SPINK2: variants seen among roughly 807,000 people sequenced by gnomAD.
SPINK2 encodes the protein serine protease inhibitor Kazal-type 2.
Under a neutral mutation model 13.5 loss-of-function variants are expected in SPINK2, and 8 were observed. The ratio of observed to expected loss-of-function variants is 0.59; its 90% CI spans 0.35 to 1.07. The LOEUF (loss-of-function observed/expected upper bound fraction) is 1.07. Among genes scored for constraint, SPINK2 ranks in the 50% least tolerant of loss-of-function variants. SPINK2 has a pLI of 0.02. For synonymous variants in SPINK2, 76 were observed against 74.7 expected, an observed-to-expected ratio of 1.02 and a Z score of -0.09; for missense variants, 148 against 180.3, an observed-to-expected ratio of 0.82 and a Z score of 1.03.
At position 56,814,980 on chromosome 4, in the gene SPINK2, A is replaced by AAAAC. The variant is rs1560414921; in HGVS notation, c.250-3190_250-3187dup. Among the ~76,000 whole-genome samples the AAAAC allele has an allele frequency of 1.3e-3, 180 of 137,884 alleles. 17 individuals are homozygous for AAAAC. Among genetic ancestry groups the AAAAC allele is most frequent in the East Asian group, 3.4e-3 (15 of 4,422 alleles). The allele number at this position is 137,884 out of a possible 152,430, so 90.5% of individuals were successfully genotyped here. A position where few individuals can be genotyped will look rare whatever the true frequency, so the allele number is the denominator to read the frequency against. On this transcript the variant is annotated intron_variant, in intron 2 of 3. Transcript: ENST00000506738. Reference sequence around the variant, plus strand: ...CGTCTCAAAAAAAAAAAAAAAAAAAAAAACAAAGGCTGAGGCAGGAGAATC... The same window carrying AAAAC: ...CGTCTCAAAAAAAAAAAAAAAAAAAAAAACAAACAAAGGCTGAGGCAGGAGAATC...
chr4:56,815,616 C>A (rs1364717671), intron 2 of SPINK2, among the ~76,000 whole-genome samples: 1 of 152,072 alleles, frequency 6.6e-6, no homozygotes, highest in African/African-American at 2.4e-5. Flanking sequence ...AGGAGAATCG[C>A]TTGAACCTGG....
At position 56,809,986 on chromosome 4, in the gene SPINK2, T is replaced by A. The variant is rs1716843858; in HGVS notation, c.*153A>T. On this transcript the variant is annotated 3_prime_UTR_variant, in exon 4 of 4. Coordinates refer to ENST00000506738, the MANE Select transcript of SPINK2 (RefSeq NM_001271718.2). ...TTTTTTTCTTTAAATTATCCATCAC[T>A]ACACATGGCTGTCTTCCATACCTGC... is the stretch of plus-strand genomic sequence containing the variant. The A allele has an allele frequency of 8.0e-6, 12 of 1,499,870 alleles. No homozygotes were observed. The highest frequency in any genetic ancestry group is 1.1e-5 in the Non-Finnish European group (12 of 1,132,364). 92.9% of individuals were successfully genotyped at this position (1,499,870 alleles called of 1,614,324 possible).
At chr4:56,810,311 A>G in intron 3 of SPINK2, 127 bp from the exon 4 acceptor site, 1 of 805,150 alleles carries the variant, frequency 1.2e-6, no homozygotes, top group Non-Finnish European at 1.9e-6. Context: ...CACTTATTTA[A>G]TCATTTTTTA....
At chr4:56,820,726 C>T (rs929385975) in intron 1 of SPINK2, 147 bp from the exon 2 acceptor site, 1 of 621,278 alleles carries the variant, frequency 1.6e-6, no homozygotes, top group East Asian at 2.8e-5. Flanking sequence ...CTGCCTAGGC[C>T]TCCCAAAGTG....
chr4:56,820,530 A>G lies in SPINK2; in HGVS notation c.249+6T>C, dbSNP rs763632110. On this transcript the variant is annotated splice_donor_region_variant and intron_variant, in intron 2 of 3. Transcript: ENST00000506738. Reference sequence around the variant, plus strand: ...GTAGAAACAGTAGAAGTGGTTTGCTACTTACCGTTCTATATTTTGAAAACA... The same window carrying G: ...GTAGAAACAGTAGAAGTGGTTTGCTGCTTACCGTTCTATATTTTGAAAACA... 6.2e-7 allele frequency: 1 copy of G among 1,608,344 alleles called. No homozygotes were observed. Among genetic ancestry groups the G allele is most frequent in the South Asian group, 1.1e-5 (1 of 90,898 alleles).
chr4:56,814,868 G>C (rs1350410886), intron 2 of SPINK2, among the ~76,000 whole-genome samples: 1 of 151,490 alleles, frequency 6.6e-6, no homozygotes, highest in Non-Finnish European at 1.5e-5. Context: ...GGCTGAGGCA[G>C]GAGAATGGCG....
At chr4:56,817,798 G>A (rs965647016) in intron 2 of SPINK2, among the ~76,000 whole-genome samples, 15 of 151,116 alleles carry the variant, frequency 9.9e-5, no homozygotes, top group Admixed American at 3.3e-4. Flanking sequence ...AGGTTGCAGT[G>A]AGCCAAAATC....
Position 56,812,116 on chromosome 4 carries a change from G to C in SPINK2, c.250-322C>G, listed in dbSNP as rs370050503. Among the ~76,000 whole-genome samples, 13 of 151,258 alleles carry C rather than the reference G, an allele frequency of 8.6e-5. 1 individual carries two copies. The highest frequency in any genetic ancestry group is 2.9e-4 in the African/African-American group (12 of 41,330). On this transcript the variant is annotated intron_variant, in intron 2 of 3. Coordinates refer to ENST00000506738, the MANE Select transcript of SPINK2 (RefSeq NM_001271718.2). ...TCACCGTGTTGACCAAGCTGGTCTC[G>C]AACTTCTGACGTCATGATCCACCCG...
At chr4:56,815,762 TCACACACACACACACACACACA>T (rs140055216) in intron 2 of SPINK2, among the ~76,000 whole-genome samples, 1 of 142,972 alleles carries the variant, frequency 7.0e-6, no homozygotes, top group Non-Finnish European at 1.5e-5. Flanking sequence ...CCTAAGAAAT[TCACACACACACACACACACACA>T]CACACACACA....
intron 3 of SPINK2, among the ~76,000 whole-genome samples, chr4:56,811,296 C>T (rs1403368825): frequency 2.0e-5 from 3 of 152,138 alleles, no homozygotes; most frequent in African/African-American, 4.8e-5. Context: ...AAAATTGTCA[C>T]TACCCCCTAA....
chr4:56,819,700 T>C (rs1717769805), intron 2 of SPINK2, among the ~76,000 whole-genome samples: 1 of 151,854 alleles, frequency 6.6e-6, no homozygotes, highest in Non-Finnish European at 1.5e-5. Flanking sequence ...ACTGCAACCT[T>C]TGCCTCCCAG....
chr4:56,811,331 TGAA>T (rs1406426646), intron 3 of SPINK2, among the ~76,000 whole-genome samples: 2 of 151,958 alleles, frequency 1.3e-5, no homozygotes, highest in African/African-American at 4.8e-5. Context: ...ACAAAAGAAA[TGAA>T]GAGGTCAGGC....
intron 2 of SPINK2, among the ~76,000 whole-genome samples, chr4:56,815,337 T>C (rs1171959995): frequency 1.3e-5 from 2 of 152,168 alleles, no homozygotes; most frequent in Non-Finnish European, 2.9e-5. Flanking sequence ...ATACCGAAGT[T>C]TCTTGCCAGG....
intron 2 of SPINK2, among the ~76,000 whole-genome samples, chr4:56,814,975 A>C (rs1717314398): frequency 6.6e-6 from 1 of 150,902 alleles, no homozygotes; most frequent in South Asian, 2.1e-4. Context: ...AAAAAAAAAA[A>C]AAAAAAAACA....
rs893005165 is a variant in SPINK2 at position 56,821,651 on chromosome 4, C to G, written c.12G>C (p.Ser4=). Residue 4 remains serine, a synonymous_variant, in exon 1 of 4, where the codon TCG becomes TCC. Transcript: ENST00000506738. The part of the protein sequence containing the change: MAL[S]VLRLALLLLA... ...GGAGCAGCAGCGCCAAGCGCAGCAC[C>G]GACAGCGCCATCCTCCTCCCGCGCC... 3 of 1,541,350 alleles carry G rather than the reference C, an allele frequency of 1.9e-6. No individual in the cohort carries two copies. The highest frequency in any genetic ancestry group is 2.5e-5 in the East Asian group (1 of 40,482).
upstream of SPINK2, chr4:56,821,731 C>CCAATTTTTGTATTTTTAGTA: frequency 1.5e-6 from 2 of 1,340,112 alleles, no homozygotes; most frequent in Non-Finnish European, 1.9e-6. Flanking sequence ...AGCGCTCGTG[C>CCAATTTTTGTATTTTTAGTA]GACGGGGCGC....
chr4:56,816,092 G>C (rs1717424430), intron 2 of SPINK2, among the ~76,000 whole-genome samples: 1 of 152,022 alleles, frequency 6.6e-6, no homozygotes, highest in Non-Finnish European at 1.5e-5. Context: ...CACAGAACAA[G>C]ACTCAGTCTT....
intron 2 of SPINK2, among the ~76,000 whole-genome samples, chr4:56,816,526 C>A (rs1357336205): frequency 6.6e-6 from 1 of 151,808 alleles, no homozygotes; most frequent in East Asian, 1.9e-4. Context: ...GTGGTGGGTG[C>A]CTGTGATCCC....
At chr4:56,821,762 C>G, upstream of SPINK2, 2 of 1,224,946 alleles carry the variant, frequency 1.6e-6, no homozygotes, top group Non-Finnish European at 1.1e-6. Flanking sequence ...GGGGAAGGGG[C>G]GGGGCGAGAA....
Sources: gnomAD v4.1 joint callset for allele counts (sites outside exome capture counted in the v4.1 genomes callset) on GRCh38, gnomAD v4.1.1 for gene constraint, MANE v1.5 for transcripts, NCBI Gene and HGNC (gene_info 2026-07-23, HGNC 2026-07-21) for gene names.